The following TTC27 variants were observed in gnomAD, a reference collection of about 807,000 sequenced individuals.
The protein encoded by TTC27 is tetratricopeptide repeat protein 27.
In TTC27, 79 loss-of-function variants were observed where a neutral mutation model predicts 115.9. The ratio of observed to expected loss-of-function variants is 0.68; its 90% CI spans 0.57 to 0.82. The LOEUF (loss-of-function observed/expected upper bound fraction) is 0.82. Among genes scored for constraint, TTC27 ranks in the 40% least tolerant of loss-of-function variants. The pLI, the probability that TTC27 is intolerant of heterozygous loss-of-function variation, is 0.00. For synonymous variants in TTC27, 401 were observed against 356.0 expected (o/e 1.13, Z -1.42); for missense variants, 1,054 against 993.1 (o/e 1.06, Z -0.82).
At chr2:32,818,225 A>G (rs1671571166) in intron 19 of TTC27, among the ~76,000 whole-genome samples, 1 of 152,172 alleles carries the variant, frequency 6.6e-6, no homozygotes, top group Admixed American at 6.5e-5. Context: ...TTCAGTACAT[A>G]TTAGAAAAAA....
rs1003886375 is a variant in TTC27 at position 32,666,769 on chromosome 2, G to A, written c.939+1G>A. 6.2e-7 allele frequency: 1 copy of A among 1,611,430 alleles called. No homozygotes were observed. The highest frequency in any genetic ancestry group is 8.5e-7 in the Non-Finnish European group (1 of 1,178,704). Reference sequence around the variant, plus strand: ...CACTCCTCAGGAACATTTAACCAAGGCAAGTAGGACATTAAGTTATTAAAT... The same window carrying A: ...CACTCCTCAGGAACATTTAACCAAGACAAGTAGGACATTAAGTTATTAAAT... On this transcript the variant is annotated splice_donor_variant, in intron 7 of 19. Transcript: ENST00000317907. LOFTEE classifies it high-confidence loss of function.
intron 15 of TTC27, 81 bp downstream of exon 15, chr2:32,782,759 T>C: frequency 8.8e-7 from 1 of 1,140,612 alleles, no homozygotes; most frequent in Non-Finnish European, 1.3e-6. Flanking sequence ...ATTGTTTCAA[T>C]GTTTCTCCTT....
At position 32,787,081 on chromosome 2, in the gene TTC27, G is replaced by A. The variant is rs1313573604; in HGVS notation, c.1930G>A (p.Glu644Lys). The A allele has an allele frequency of 6.2e-7, 1 of 1,614,040 alleles. No individual in the cohort carries two copies. The highest frequency in any genetic ancestry group is 1.3e-5 in the African/African-American group (1 of 75,026). Residue 644 changes from glutamate (E) to lysine (K), a missense_variant, in exon 16 of 20, where the codon GAA becomes AAA. Coordinates refer to ENST00000317907, the MANE Select transcript of TTC27 (RefSeq NM_017735.5). ...CATCCTCACCAGCACTGACGTTGGG[G>A]AATTTTCAGAAGCCATTAAAGCTTA... ...NYILTSTDVGEFSEAIKAYHR... is the reference protein window; with the variant it reads ...NYILTSTDVGKFSEAIKAYHR...
intron 3 of TTC27, among the ~76,000 whole-genome samples, chr2:32,637,556 C>T (rs1371377569): frequency 6.6e-6 from 1 of 152,110 alleles, no homozygotes; most frequent in East Asian, 1.9e-4. Flanking sequence ...TGCTCTCAAG[C>T]TCTTGACCTT....
intron 13 of TTC27, among the ~76,000 whole-genome samples, chr2:32,769,264 C>A (rs1274315069): frequency 6.6e-6 from 1 of 152,156 alleles, no homozygotes; most frequent in Non-Finnish European, 1.5e-5. Context: ...GGGTTCATGG[C>A]ACCTAAAACA....
At position 32,787,096 on chromosome 2, in the gene TTC27, A is replaced by T; in HGVS notation, c.1945A>T (p.Ile649Phe). 6.2e-7 allele frequency: 1 copy of T among 1,614,096 alleles called. No individual in the cohort carries two copies. The highest frequency in any genetic ancestry group is 8.5e-7 in the Non-Finnish European group (1 of 1,179,996). Residue 649 changes from isoleucine (I) to phenylalanine (F), a missense_variant, in exon 16 of 20, where the codon ATT becomes TTT. Coordinates refer to ENST00000317907, the MANE Select transcript of TTC27 (RefSeq NM_017735.5). Reference protein sequence around the residue: ...STDVGEFSEAIKAYHRLLDLR... With the variant: ...STDVGEFSEAFKAYHRLLDLR... Reference sequence around the variant, plus strand: ...TGACGTTGGGGAATTTTCAGAAGCCATTAAAGCTTATCACCGGCTCTTGGA... The same window carrying T: ...TGACGTTGGGGAATTTTCAGAAGCCTTTAAAGCTTATCACCGGCTCTTGGA...
intron 5 of TTC27, among the ~76,000 whole-genome samples, chr2:32,662,368 G>T (rs572830013): frequency 6.6e-6 from 1 of 152,124 alleles, no homozygotes; most frequent in East Asian, 1.9e-4. Context: ...TGTACCTCTG[G>T]TAGAATTCGG....
chr2:32,771,456 G>A (rs908391506), intron 13 of TTC27, among the ~76,000 whole-genome samples: 5 of 152,132 alleles, frequency 3.3e-5, no homozygotes, highest in Non-Finnish European at 5.9e-5. Context: ...AAAAGACTCA[G>A]CAAATATAAA....
At chr2:32,681,258 C>T (rs1333921353) in intron 9 of TTC27, among the ~76,000 whole-genome samples, 1 of 152,062 alleles carries the variant, frequency 6.6e-6, no homozygotes, top group Non-Finnish European at 1.5e-5. Flanking sequence ...TTTTAAGAGC[C>T]CCACACATAC....
chr2:32,809,604 TTACAG>T (rs1216760346), intron 16 of TTC27, among the ~76,000 whole-genome samples: 6 of 152,320 alleles, frequency 3.9e-5, no homozygotes, highest in Admixed American at 2.6e-4. Context: ...TAGCATGGTG[TTACAG>T]TACTTTCCTC....
chr2:32,767,643 A>G (rs569220986), intron 13 of TTC27, among the ~76,000 whole-genome samples: 31 of 150,766 alleles, frequency 2.1e-4, no homozygotes, highest in Non-Finnish European at 4.3e-4. Context: ...TTGTATTTTT[A>G]GTAGAGACGG....
chr2:32,686,921 T>C (rs1469118550), intron 9 of TTC27, among the ~76,000 whole-genome samples: 1 of 152,164 alleles, frequency 6.6e-6, no homozygotes, highest in Non-Finnish European at 1.5e-5. Context: ...CTTGGCTCAC[T>C]GCAACCTCTA....
rs2063522466 is a variant in TTC27 at position 32,628,118 on chromosome 2, T to C, written c.-175T>C. ...CCCAGGGTGCCCCGCGCTGCTGTTA[T>C]GGCCGCCTCCTTGAGGTAGTATCCG... On this transcript the variant is annotated 5_prime_UTR_variant, in exon 1 of 20. An upstream start codon of the reference 5' UTR is lost. Transcript: ENST00000317907. The C allele has an allele frequency of 4.9e-6, 3 of 608,442 alleles. No individual in the cohort carries two copies. Among genetic ancestry groups the C allele is most frequent in the South Asian group, 2.0e-5 (1 of 50,820 alleles). 37.7% of individuals were successfully genotyped at this position (608,442 alleles called of 1,614,324 possible). A position where few individuals can be genotyped will look rare whatever the true frequency, so the allele number is the denominator to read the frequency against.
chr2:32,685,463 C>T (rs1310334803), intron 9 of TTC27, among the ~76,000 whole-genome samples: 1 of 152,068 alleles, frequency 6.6e-6, no homozygotes, highest in Non-Finnish European at 1.5e-5. Flanking sequence ...TGTTACTGGA[C>T]TTTAATTTCC....
intron 13 of TTC27, among the ~76,000 whole-genome samples, chr2:32,775,589 T>C (rs948146139): frequency 2.0e-5 from 3 of 152,164 alleles, no homozygotes; most frequent in Admixed American, 6.5e-5. Context: ...TTGAGGACCT[T>C]GAGGTCAGTT....
At chr2:32,715,709 C>T (rs1259165749) in intron 10 of TTC27, among the ~76,000 whole-genome samples, 3 of 152,122 alleles carry the variant, frequency 2.0e-5, no homozygotes, top group East Asian at 1.9e-4. Flanking sequence ...ATATGGCACT[C>T]ATGACCTATC....
At chr2:32,708,458 T>G (rs1272644317) in intron 10 of TTC27, among the ~76,000 whole-genome samples, 1 of 151,444 alleles carries the variant, frequency 6.6e-6, no homozygotes, top group Non-Finnish European at 1.5e-5. Flanking sequence ...ACTACAGGCG[T>G]GTGCCACCAC....
chr2:32,748,228 T>A (rs934745121), intron 12 of TTC27, among the ~76,000 whole-genome samples: 2 of 152,210 alleles, frequency 1.3e-5, no homozygotes, highest in Admixed American at 1.3e-4. Flanking sequence ...TAAGAGTATA[T>A]TGTTTAATTT....
intron 13 of TTC27, among the ~76,000 whole-genome samples, chr2:32,763,908 A>G (rs1669531506): frequency 6.6e-6 from 1 of 152,232 alleles, no homozygotes; most frequent in South Asian, 2.1e-4. Context: ...CAAATCTCCC[A>G]GGCACAATTT....
Sources: allele counts gnomAD v4.1 joint callset (sites outside exome capture counted in the v4.1 genomes callset), GRCh38; gene constraint gnomAD v4.1.1; transcripts MANE v1.5; gene names NCBI Gene and HGNC (gene_info 2026-07-23, HGNC 2026-07-21).